The following MACF1 variants were observed in gnomAD, a reference collection of about 807,000 sequenced individuals.
MACF1 encodes the protein microtubule actin crosslinking factor 1.
A neutral mutation model predicts 854.8 loss-of-function variants in MACF1; 193 were observed. The ratio of observed to expected loss-of-function variants is 0.23; its 90% CI spans 0.20 to 0.25. The LOEUF is 0.25. Ranked by LOEUF, MACF1 falls within the 10% of genes least tolerant of loss-of-function variation. The pLI is 1.00. For synonymous variants in MACF1, 3,185 were observed against 3,226.7 expected (o/e 0.99, Z 0.44); for missense variants, 7,722 against 8,929.1 (o/e 0.86, Z 5.45).
intron 20 of MACF1, among the ~76,000 whole-genome samples, chr1:39,296,750 G>GA (rs1458746649): frequency 1.6e-5 from 1 of 61,668 alleles, no homozygotes; most frequent in Non-Finnish European, 3.6e-5. Flanking sequence ...AAGAAAGAAA[G>GA]AAAGGAAGGA....
chr1:39,268,317 T>TC (rs1645260599), intron 6 of MACF1: 1 of 331,400 alleles, frequency 3.0e-6, no homozygotes, highest in East Asian at 1.7e-4. Flanking sequence ...CCCTAGTTTT[T>TC]CCCCTCCCCT....
rs1439534923 is a variant in MACF1, at chr1:39,327,241, A to G, written c.4502A>G (p.Gln1501Arg). 6.3e-7 allele frequency: 1 copy of G among 1,581,680 alleles called. No homozygotes were observed. Among genetic ancestry groups the G allele is most frequent in the Admixed American group, 1.7e-5 (1 of 59,420 alleles). The stretch of plus-strand genomic sequence containing the variant: ...AGGCTCTCAGAAAAAGAGAAGAAAC[A>G]AATATCTGAGCAATTGAATGCCCTA... ...GHKLSEKEKK[Q>R]ISEQLNALNK... Residue 1501 changes from glutamine to arginine, a missense_variant, in exon 36 of 101, where the codon CAA becomes CGA. Physicochemically the swap from Gln to Arg is conservative, Grantham distance 43. Coordinates refer to ENST00000564288, the MANE Select transcript of MACF1 (RefSeq NM_001394062.1).
chr1:39,174,267 A>G (rs1003150502), intron 2 of MACF1, among the ~76,000 whole-genome samples: 1 of 152,202 alleles, frequency 6.6e-6, no homozygotes, highest in Non-Finnish European at 1.5e-5. Flanking sequence ...AGAGTTTTGC[A>G]ACTATAAAAT....
chr1:39,314,061 T>A (rs922346219), intron 26 of MACF1, among the ~76,000 whole-genome samples: 10 of 152,234 alleles, frequency 6.6e-5, no homozygotes, highest in Admixed American at 2.6e-4. Flanking sequence ...GGGTACCAAA[T>A]GTATTCATTG....
chr1:39,444,912 A>T, intron 80 of MACF1, 77 bp downstream of exon 80: 1 of 1,385,712 alleles, frequency 7.2e-7, no homozygotes, highest in Non-Finnish European at 9.8e-7. Context: ...TATTTATATG[A>T]AGATTTTTTG....
intron 40 of MACF1, 74 bp downstream of exon 40, chr1:39,341,027 A>G (rs1041579467): frequency 6.3e-6 from 8 of 1,265,868 alleles, no homozygotes; most frequent in Non-Finnish European, 7.5e-6. Flanking sequence ...ACCAATATCC[A>G]TATTTATCTT....
intron 6 of MACF1, among the ~76,000 whole-genome samples, chr1:39,260,187 T>C (rs926772978): frequency 1.3e-5 from 2 of 152,142 alleles, no homozygotes; most frequent in African/African-American, 4.8e-5. Context: ...TCCTTTGGCA[T>C]GACCACAGTG....
chr1:39,273,099 T>G (rs1557556551), intron 6 of MACF1, among the ~76,000 whole-genome samples: 1 of 151,388 alleles, frequency 6.6e-6, no homozygotes, highest in East Asian at 1.9e-4. Flanking sequence ...TGTTAGCGAA[T>G]CCCATTTAAT....
intron 2 of MACF1, among the ~76,000 whole-genome samples, chr1:39,128,665 C>T (rs1297988935): frequency 6.6e-6 from 1 of 151,924 alleles, no homozygotes; most frequent in African/African-American, 2.4e-5. Context: ...CGCCACTGCT[C>T]TCCAGCCTGG....
chr1:39,183,371 C>T (rs1162018023), intron 2 of MACF1, among the ~76,000 whole-genome samples: 1 of 152,108 alleles, frequency 6.6e-6, no homozygotes, highest in Non-Finnish European at 1.5e-5. Flanking sequence ...CTCAGTGAAG[C>T]TGTTATAAAA....
chr1:39,410,995 G>A (rs1265545248), intron 58 of MACF1: 9 of 1,614,010 alleles, frequency 5.6e-6, no homozygotes, highest in Non-Finnish European at 5.1e-6. Context: ...AGCAACAAGT[G>A]GTAACACAGA....
In MACF1 at chr1:39,485,754, C is replaced by A. The variant is rs1645093565; in HGVS notation, c.22628C>A (p.Thr7543Asn). The change falls in exon 101 of 101, where the codon ACC becomes AAC. Residue 7543 changes from threonine (T) to asparagine (N), a missense_variant. By Grantham distance (65) the Thr-to-Asn change is moderately conservative (BLOSUM62 0). Around this residue, in one of 15 missense-constraint regions of MACF1, gnomAD observed 185 missense variants for 225.7 expected, o/e 0.82. Transcript: ENST00000564288. Reference sequence around the variant, plus strand: ...AAAATCCCAACCATGTCTAAGAAGACCACCACTGCCTCCCCCAGGACTCCA... The same window carrying A: ...AAAATCCCAACCATGTCTAAGAAGAACACCACTGCCTCCCCCAGGACTCCA... ...PSKIPTMSKK[T>N]TTASPRTPGP... 1 of 1,612,054 alleles carries A rather than the reference C, an allele frequency of 6.2e-7. No individual in the cohort carries two copies. The highest frequency in any genetic ancestry group is 8.5e-7 in the Non-Finnish European group (1 of 1,178,440).
At chr1:39,455,786 C>T (rs951810693) in intron 89 of MACF1, among the ~76,000 whole-genome samples, 2 of 152,184 alleles carry the variant, frequency 1.3e-5, no homozygotes, top group African/African-American at 4.8e-5. Context: ...GCACATTAGA[C>T]TAAACTGAAT....
rs565389591 is a variant in MACF1 at position 39,404,149 on chromosome 1, G to GTAAGTAAA, written c.15816+15494_15816+15495insGTAAATAA. ...CTCAAAAAAATAAATAAATAAGTAA[G>GTAAGTAAA]TAAATAAATAAATAAATAAATAAAT... On this transcript the variant is annotated intron_variant, in intron 58 of 100. Coordinates refer to ENST00000564288, the MANE Select transcript of MACF1 (RefSeq NM_001394062.1). Among the ~76,000 whole-genome samples the GTAAGTAAA allele has an allele frequency of 2.9e-3, 435 of 148,522 alleles. 1 individual carries two copies. Among genetic ancestry groups the GTAAGTAAA allele is most frequent in the African/African-American group, 9.8e-3 (393 of 39,990 alleles).
intron 2 of MACF1, among the ~76,000 whole-genome samples, chr1:39,185,241 G>T (rs937223553): frequency 6.7e-6 from 1 of 148,872 alleles, no homozygotes; most frequent in Non-Finnish European, 1.5e-5. Context: ...GCAGTGAGCC[G>T]ACATGGCACC....
At chr1:39,415,643 G>A (rs951776297) in intron 58 of MACF1, among the ~76,000 whole-genome samples, 2 of 151,716 alleles carry the variant, frequency 1.3e-5, no homozygotes, top group Non-Finnish European at 2.9e-5. Context: ...TTACAGGCGT[G>A]AGCCACCGCG....
At chr1:39,095,922 A>G (rs1033252766) in intron 2 of MACF1, among the ~76,000 whole-genome samples, 7 of 150,994 alleles carry the variant, frequency 4.6e-5, no homozygotes, top group Non-Finnish European at 1.0e-4. Context: ...TAATCCCAAC[A>G]CTTTGGGAGG....
In MACF1 at chr1:39,186,170, A is replaced by ATCTC. The variant is rs55658204; in HGVS notation, c.221-44970_221-44967dup. ...CCATGTGGGGGCTGGGATTCTGAAC[A>ATCTC]TCTCTCTCTCTCTCTCTCTCTCTCT... On this transcript the variant is annotated intron_variant, in intron 2 of 93. Transcript: ENST00000361689. Among the ~76,000 whole-genome samples the ATCTC allele has an allele frequency of 6.0e-3, 659 of 109,534 alleles. 2 individuals carry two copies. The highest frequency in any genetic ancestry group is 6.5e-3 in the Non-Finnish European group (353 of 54,336). 71.9% of individuals were successfully genotyped at this position (109,534 alleles called of 152,430 possible). A position where few individuals can be genotyped will look rare whatever the true frequency, so the allele number is the denominator to read the frequency against.
At position 39,252,557 on chromosome 1, in the gene MACF1, C is replaced by T. The variant is rs144041255; in HGVS notation, c.357+616C>T. 3.0e-3 allele frequency among the ~76,000 whole-genome samples: 452 copies of T among 152,260 alleles called. 1 individual carries two copies. The highest frequency in any genetic ancestry group is 9.8e-3 in the Admixed American group (150 of 15,288). Reference sequence around the variant, plus strand: ...GATTAGAGTATAAGAGGAGTGTATTCTGCCTGCAGGCCCTAAATTATAGTC... The same window carrying T: ...GATTAGAGTATAAGAGGAGTGTATTTTGCCTGCAGGCCCTAAATTATAGTC... On this transcript the variant is annotated intron_variant, in intron 4 of 100. Transcript: ENST00000564288.
Sources: allele counts gnomAD v4.1 joint callset (sites outside exome capture counted in the v4.1 genomes callset), GRCh38; gene constraint gnomAD v4.1.1; regional missense constraint gnomAD v4.1.1; transcripts MANE v1.5; gene names NCBI Gene and HGNC (gene_info 2026-07-23, HGNC 2026-07-21).